The following IMMP2L variants were observed in gnomAD, a reference collection of about 807,000 sequenced individuals.
The protein encoded by IMMP2L is inner mitochondrial membrane peptidase subunit 2, also known as mitochondrial inner membrane protease subunit 2.
In IMMP2L, 18 loss-of-function variants were observed where a neutral mutation model predicts 19.3. The observed-to-expected ratio is 0.93, with a 90% CI of 0.64 to 1.38. The LOEUF is 1.38. Among genes scored for constraint, IMMP2L ranks in the 40% most tolerant of loss-of-function variants. The probability of loss-of-function intolerance (pLI) is 0.00; values close to 1 mark genes in which losing one functional copy is unlikely to be tolerated. For synonymous variants in IMMP2L, 76 were observed against 73.0 expected, an observed-to-expected ratio of 1.04 and a Z score of -0.21; for missense variants, 233 against 218.2, an observed-to-expected ratio of 1.07 and a Z score of -0.43.
At chr7:111,481,554 C>T (rs1326379363) in intron 3 of IMMP2L, among the ~76,000 whole-genome samples, 1 of 150,696 alleles carries the variant, frequency 6.6e-6, no homozygotes, top group Non-Finnish European at 1.5e-5. Context: ...AACCCAGTGG[C>T]TAACAAAAAA....
chr7:111,497,561 C>G (rs1843709788), intron 2 of IMMP2L, among the ~76,000 whole-genome samples: 2 of 152,014 alleles, frequency 1.3e-5, no homozygotes, highest in Non-Finnish European at 2.9e-5. Flanking sequence ...ATAGAAAAAA[C>G]AAACTGCTAT....
At chr7:111,121,637 G>A (rs1800631913) in intron 3 of IMMP2L, among the ~76,000 whole-genome samples, 2 of 152,184 alleles carry the variant, frequency 1.3e-5, no homozygotes, top group South Asian at 4.1e-4. Flanking sequence ...TGGTGGGGCT[G>A]TAAACTAGTT....
At chr7:110,769,070 G>GAT (rs1393226854) in intron 5 of IMMP2L, among the ~76,000 whole-genome samples, 20 of 152,162 alleles carry the variant, frequency 1.3e-4, no homozygotes, top group African/African-American at 4.8e-4. Flanking sequence ...GTTTTTGCCT[G>GAT]ATAGCACAAT....
intron 5 of IMMP2L, among the ~76,000 whole-genome samples, chr7:110,849,551 C>A (rs1009841882): frequency 1.3e-5 from 2 of 151,818 alleles, no homozygotes; most frequent in East Asian, 1.9e-4. Flanking sequence ...AATGAACATA[C>A]GATAAAATGT....
intron 1 of IMMP2L, among the ~76,000 whole-genome samples, chr7:111,554,799 A>G (rs1490087948): frequency 6.6e-6 from 1 of 152,006 alleles, no homozygotes; most frequent in African/African-American, 2.4e-5. Context: ...TTTTTAGTAG[A>G]GACGGGGTTT....
chr7:111,401,783 A>G (rs1394622716), intron 3 of IMMP2L, among the ~76,000 whole-genome samples: 1 of 152,140 alleles, frequency 6.6e-6, no homozygotes, highest in East Asian at 1.9e-4. Flanking sequence ...ATAACTTGAG[A>G]GGCTATTAAG....
At chr7:111,414,154 G>A (rs1241121503) in intron 3 of IMMP2L, among the ~76,000 whole-genome samples, 3 of 151,844 alleles carry the variant, frequency 2.0e-5, no homozygotes, top group Middle Eastern at 3.4e-3. Context: ...AGCAAGAAGA[G>A]AATAAAGTAC....
At chr7:110,835,174 T>C (rs889479165) in intron 5 of IMMP2L, among the ~76,000 whole-genome samples, 2 of 152,150 alleles carry the variant, frequency 1.3e-5, no homozygotes, top group African/African-American at 4.8e-5. Flanking sequence ...CACCTAACAA[T>C]AGTAAGAACA....
chr7:111,032,527 A>G (rs570851504), intron 3 of IMMP2L, among the ~76,000 whole-genome samples: 3 of 152,200 alleles, frequency 2.0e-5, no homozygotes, highest in Non-Finnish European at 4.4e-5. Context: ...CAGTTAAAAA[A>G]TGGGCAAAAC....
At position 110,678,492 on chromosome 7, in the gene IMMP2L, T is replaced by C. The variant is rs183259846; in HGVS notation, c.409-14771A>G. Among the ~76,000 whole-genome samples, 14 of 152,002 alleles carry C rather than the reference T, an allele frequency of 9.2e-5. 1 individual carries two copies. Among genetic ancestry groups the C allele is most frequent in the African/African-American group, 2.9e-4 (12 of 41,372 alleles). ...AAGAGAATAAATGTAATCAGAGACA[T>C]AGGCTCAATCCTAGGTGGCATTGGC... On this transcript the variant is annotated intron_variant, in intron 5 of 5. Transcript: ENST00000405709.
intron 5 of IMMP2L, among the ~76,000 whole-genome samples, chr7:110,791,693 C>A (rs901021175): frequency 6.6e-6 from 1 of 151,666 alleles, no homozygotes; most frequent in Admixed American, 6.6e-5. Context: ...CACAGTAAGC[C>A]CCCTAATACC....
chr7:110,987,091 C>T (rs571412589), intron 3 of IMMP2L, among the ~76,000 whole-genome samples: 1 of 151,944 alleles, frequency 6.6e-6, no homozygotes. Flanking sequence ...AGAATAAATG[C>T]CAATTTCAAG....
chr7:111,356,599 A>C (rs767270544), intron 3 of IMMP2L, among the ~76,000 whole-genome samples: 3 of 152,184 alleles, frequency 2.0e-5, no homozygotes, highest in African/African-American at 4.8e-5. Flanking sequence ...TTAGTGTAGC[A>C]CTGAAAAGTT....
chr7:110,868,204 C>A (rs146592296), intron 5 of IMMP2L, among the ~76,000 whole-genome samples: 1 of 148,920 alleles, frequency 6.7e-6, no homozygotes, highest in South Asian at 2.2e-4. Flanking sequence ...ATGAGCAAGA[C>A]TAACTAAATC....
intron 2 of IMMP2L, among the ~76,000 whole-genome samples, chr7:111,518,511 C>A (rs148000604): frequency 2.0e-5 from 3 of 152,182 alleles, no homozygotes; most frequent in African/African-American, 7.2e-5. Flanking sequence ...TTCCAGAGAT[C>A]TCCACACCAT....
rs568244585 is a variant in IMMP2L, at chr7:110,767,263, C to G, written c.409-103542G>C. Among the ~76,000 whole-genome samples, 192 of 152,208 alleles carry G rather than the reference C, an allele frequency of 1.3e-3. 8 individuals carry two copies. The South Asian group carries it at 0.037, about 29-fold the overall frequency. On this transcript the variant is annotated intron_variant, in intron 5 of 5. Transcript: ENST00000405709. Reference sequence around the variant, plus strand: ...TTTGCAAAATGGAAAAGATTGATGACAGACACAAGCAAACAGAACCAGAAA... The same window carrying G: ...TTTGCAAAATGGAAAAGATTGATGAGAGACACAAGCAAACAGAACCAGAAA...
chr7:111,333,631 G>A (rs554785755), intron 3 of IMMP2L, among the ~76,000 whole-genome samples: 1 of 152,160 alleles, frequency 6.6e-6, no homozygotes, highest in East Asian at 1.9e-4. Flanking sequence ...GAGAGACAAA[G>A]GAGAGACAGA....
intron 3 of IMMP2L, among the ~76,000 whole-genome samples, chr7:111,424,985 T>C (rs192466491): frequency 1.3e-5 from 2 of 151,910 alleles, no homozygotes; most frequent in East Asian, 3.9e-4. Flanking sequence ...GACATTCCTC[T>C]AAATCCAGGT....
In IMMP2L at chr7:111,346,245, T is replaced by C. The variant is rs74539583; in HGVS notation, c.239+140993A>G. On this transcript the variant is annotated intron_variant, in intron 3 of 5. Coordinates refer to ENST00000405709, the MANE Select transcript of IMMP2L (RefSeq NM_032549.4). ...ATACTGAGGATTACAGAAATAGAAA[T>C]ACTTGCTAGAGGCTATATTGGGAGT... 2.0e-3 allele frequency among the ~76,000 whole-genome samples: 299 copies of C among 152,182 alleles called. 1 individual carries two copies. Among genetic ancestry groups the C allele is most frequent in the African/African-American group, 7.0e-3 (292 of 41,528 alleles).
Sources: gnomAD v4.1 joint callset for allele counts (sites outside exome capture counted in the v4.1 genomes callset) on GRCh38, gnomAD v4.1.1 for gene constraint, MANE v1.5 for transcripts, NCBI Gene and HGNC (gene_info 2026-07-23, HGNC 2026-07-21) for gene names.